The following RGS7 variants were observed in gnomAD, a reference collection of about 807,000 sequenced individuals.
RGS7 encodes regulator of G protein signaling 7.
RGS7 carries 27 observed loss-of-function variants against 81.1 expected under a neutral mutation model. That is an observed-to-expected ratio of 0.33 (90% confidence interval 0.25 to 0.46). The LOEUF is 0.46. RGS7 is among the 20% of genes least tolerant of loss of function. The pLI, the probability that RGS7 is intolerant of heterozygous loss-of-function variation, is 1.00. For synonymous variants in RGS7, 208 were observed against 207.7 expected, an observed-to-expected ratio of 1.00 and a Z score of -0.01; for missense variants, 396 against 607.4, an observed-to-expected ratio of 0.65 and a Z score of 3.66.
chr1:241,089,498 A>C (rs1572640079), intron 3 of RGS7, among the ~76,000 whole-genome samples: 3 of 152,156 alleles, frequency 2.0e-5, no homozygotes, highest in African/African-American at 7.2e-5. Flanking sequence ...ACTAAAATGA[A>C]ATACAGTCAG....
At chr1:241,264,313 C>A (rs2077478495) in intron 2 of RGS7, among the ~76,000 whole-genome samples, 1 of 152,148 alleles carries the variant, frequency 6.6e-6, no homozygotes, top group South Asian at 2.1e-4. Context: ...GCCTGGCCAA[C>A]ATGGTGAAAG....
At chr1:241,028,052 T>C (rs616935) in intron 3 of RGS7, among the ~76,000 whole-genome samples, 72,982 of 152,050 alleles carry the variant, frequency 0.48, 18,451 homozygotes, top group African/African-American at 0.62. Context: ...ATGAGCATGA[T>C]TACTGGGCAT....
At chr1:240,776,674 A>C (rs968580649) in intron 18 of RGS7, among the ~76,000 whole-genome samples, 4 of 152,164 alleles carry the variant, frequency 2.6e-5, no homozygotes, top group African/African-American at 9.7e-5. Context: ...ATATCTAGAA[A>C]TGTAGAGGAT....
chr1:241,058,399 C>T (rs1232984399), intron 3 of RGS7, among the ~76,000 whole-genome samples: 1 of 152,230 alleles, frequency 6.6e-6, no homozygotes, highest in African/African-American at 2.4e-5. Flanking sequence ...GCATAGAAAA[C>T]CCTAAGTCCA....
intron 2 of RGS7, among the ~76,000 whole-genome samples, chr1:241,202,983 G>A (rs1489778796): frequency 6.6e-6 from 1 of 152,102 alleles, no homozygotes; most frequent in East Asian, 1.9e-4. Context: ...TAACATTTCT[G>A]TAAGAATAAT....
Position 241,298,999 on chromosome 1 carries a change from T to G in RGS7, c.78+56700A>C, listed in dbSNP as rs904160186. ...GGAAACACATGTGCCGTCACATAAT[T>G]TAGCACCTAAAGAACAAGAGGCTGC... On this transcript the variant is annotated intron_variant, in intron 2 of 18. Coordinates refer to ENST00000440928, the MANE Select transcript of RGS7 (RefSeq NM_001364886.1). Among the ~76,000 whole-genome samples, 3 of 152,146 alleles carry G rather than the reference T, an allele frequency of 2.0e-5. No homozygotes were observed. The South Asian group carries it at 6.2e-4, about 32-fold the overall frequency.
chr1:240,819,660 C>T (rs1252215199), intron 10 of RGS7, among the ~76,000 whole-genome samples: 1 of 152,158 alleles, frequency 6.6e-6, no homozygotes, highest in African/African-American at 2.4e-5. Flanking sequence ...ATCACGTGGA[C>T]CCAGGAGGCA....
chr1:241,101,531 GA>G lies in RGS7; in HGVS notation c.79-2770del, dbSNP rs554208784. Among the ~76,000 whole-genome samples, 826 of 151,078 alleles carry G rather than the reference GA, an allele frequency of 5.5e-3. 6 individuals are homozygous for G. The highest frequency in any genetic ancestry group is 0.018 in the African/African-American group (761 of 41,188). On this transcript the variant is annotated intron_variant, in intron 2 of 18. Coordinates refer to ENST00000440928, the MANE Select transcript of RGS7 (RefSeq NM_001364886.1). ...AATAAATAAATAAATAAAAAAGAAA[GA>G]AAAAAAATGATTTTATCAGGCCTGT...
At chr1:241,318,766 A>G (rs1258949158) in intron 2 of RGS7, among the ~76,000 whole-genome samples, 1 of 152,188 alleles carries the variant, frequency 6.6e-6, no homozygotes, top group South Asian at 2.1e-4. Context: ...ATAATCCACC[A>G]TGCCCAGACT....
rs200815056 is a variant in RGS7, at chr1:241,117,823, G to GT, written c.79-19062dup. Among the ~76,000 whole-genome samples, 684 of 152,276 alleles carry GT rather than the reference G, an allele frequency of 4.5e-3. 3 individuals carry two copies. Among genetic ancestry groups the GT allele is most frequent in the African/African-American group, 0.015 (619 of 41,556 alleles). ...CCAACAGAGACATAAAGGACCTCGT[G>GT]TAAGAAATCAGACAATGGCACTGGG... On this transcript the variant is annotated intron_variant, in intron 2 of 18. Coordinates refer to ENST00000440928, the MANE Select transcript of RGS7 (RefSeq NM_001364886.1).
chr1:240,810,731 G>A (rs1689706442), intron 14 of RGS7, among the ~76,000 whole-genome samples: 1 of 152,208 alleles, frequency 6.6e-6, no homozygotes, highest in Admixed American at 6.5e-5. Flanking sequence ...TTATAGGCGT[G>A]AGCCCTCGCA....
At chr1:240,899,803 T>G (rs1464340216) in intron 6 of RGS7, among the ~76,000 whole-genome samples, 1 of 152,202 alleles carries the variant, frequency 6.6e-6, no homozygotes, top group Non-Finnish European at 1.5e-5. Context: ...TGTGGCGTTC[T>G]CTGTATTTCC....
chr1:240,890,176 C>T (rs1287577795), intron 6 of RGS7, among the ~76,000 whole-genome samples: 2 of 152,040 alleles, frequency 1.3e-5, no homozygotes, highest in South Asian at 2.1e-4. Context: ...TTTTTTGAGA[C>T]GGAGTCTCGC....
intron 3 of RGS7, among the ~76,000 whole-genome samples, chr1:241,030,724 T>G (rs1203811253): frequency 7.2e-5 from 11 of 152,150 alleles, no homozygotes; most frequent in African/African-American, 2.4e-4. Flanking sequence ...ACCAGTGGGT[T>G]TCCTGGCTTC....
intron 3 of RGS7, among the ~76,000 whole-genome samples, chr1:241,016,953 T>G (rs770196809): frequency 1.3e-5 from 2 of 152,220 alleles, no homozygotes; most frequent in African/African-American, 2.4e-5. Context: ...TTTATATGAT[T>G]CTATTTTATC....
intron 2 of RGS7, among the ~76,000 whole-genome samples, chr1:241,100,017 C>A (rs548750840): frequency 2.0e-5 from 3 of 151,912 alleles, no homozygotes; most frequent in Non-Finnish European, 4.4e-5. Context: ...TATCTATAAG[C>A]CTAAAATTAT....
At chr1:241,193,785 G>T (rs1220550561) in intron 2 of RGS7, among the ~76,000 whole-genome samples, 1 of 152,196 alleles carries the variant, frequency 6.6e-6, no homozygotes, top group Non-Finnish European at 1.5e-5. Context: ...ACTTTCAGGT[G>T]AGATCAGCAA....
In RGS7 at chr1:240,864,974, CT is replaced by C. The variant is rs570595888; in HGVS notation, c.609+3612del. Among the ~76,000 whole-genome samples the C allele has an allele frequency of 3.4e-3, 511 of 150,448 alleles. 1 individual carries two copies. Among genetic ancestry groups the C allele is most frequent in the Non-Finnish European group, 5.0e-3 (335 of 67,580 alleles). On this transcript the variant is annotated intron_variant, in intron 9 of 18. Transcript: ENST00000440928. ...TATTCCATTTTTTTTTTGCTTTTTC[CT>C]TTTTTTTTGCTACTCTCTGTTTCTT...
intron 3 of RGS7, among the ~76,000 whole-genome samples, chr1:241,057,813 G>A (rs886414090): frequency 1.3e-5 from 2 of 152,160 alleles, no homozygotes; most frequent in Admixed American, 6.5e-5. Flanking sequence ...AGTGAGCCGG[G>A]ATCACACCGC....
Sources: allele counts gnomAD v4.1 joint callset (sites outside exome capture counted in the v4.1 genomes callset), GRCh38; gene constraint gnomAD v4.1.1; transcripts MANE v1.5; gene names NCBI Gene and HGNC (gene_info 2026-07-23, HGNC 2026-07-21).